Variants in TACC1 observed in about 807,000 individuals in gnomAD.
TACC1 encodes the protein transforming acidic coiled-coil containing protein 1.
A neutral mutation model predicts 84.4 loss-of-function variants in TACC1; 48 were observed. The ratio of observed to expected loss-of-function variants is 0.57; its 90% CI spans 0.45 to 0.72. TACC1 has a LOEUF of 0.72. Among genes scored for constraint, TACC1 ranks in the 30% least tolerant of loss-of-function variants. The pLI, the probability that TACC1 is intolerant of heterozygous loss-of-function variation, is 0.00. For synonymous variants in TACC1, 372 were observed against 376.3 expected, an observed-to-expected ratio of 0.99 and a Z score of 0.13; for missense variants, 920 against 973.0, an observed-to-expected ratio of 0.95 and a Z score of 0.72.
At chr8:38,732,994 C>T (rs962661828) in intron 1 of TACC1, among the ~76,000 whole-genome samples, 1 of 152,156 alleles carries the variant, frequency 6.6e-6, no homozygotes, top group African/African-American at 2.4e-5. Flanking sequence ...TTTTGGAGAG[C>T]AGAGTTTGGA....
intron 3 of TACC1, chr8:38,757,432 A>G (rs1810310797): frequency 2.5e-6 from 3 of 1,180,932 alleles, no homozygotes; most frequent in Non-Finnish European, 3.2e-6. Context: ...GCCCTCTCCA[A>G]GGGCCGCCTT....
chr8:38,792,689 T>G (rs1446515969), intron 2 of TACC1, among the ~76,000 whole-genome samples: 4 of 152,144 alleles, frequency 2.6e-5, no homozygotes, highest in Admixed American at 6.5e-5. Flanking sequence ...ATGGTCTCGA[T>G]CTCCTGACCT....
intron 2 of TACC1, among the ~76,000 whole-genome samples, chr8:38,805,260 T>A (rs906277230): frequency 1.4e-4 from 22 of 152,294 alleles, no homozygotes; most frequent in African/African-American, 4.6e-4. Flanking sequence ...TACTTCTAAG[T>A]CAATAATAAA....
chr8:38,772,268 A>C (rs1457938330), intron 3 of TACC1, among the ~76,000 whole-genome samples: 1 of 152,248 alleles, frequency 6.6e-6, no homozygotes, highest in Non-Finnish European at 1.5e-5. Flanking sequence ...AATGTGAATG[A>C]GTACAGCCTT....
At chr8:38,745,645 G>A (rs1051595159) in intron 3 of TACC1, among the ~76,000 whole-genome samples, 3 of 152,190 alleles carry the variant, frequency 2.0e-5, no homozygotes, top group Non-Finnish European at 4.4e-5. Flanking sequence ...CTGGGTTCAA[G>A]GAATTCTCCT....
intron 6 of TACC1, among the ~76,000 whole-genome samples, chr8:38,832,395 A>C (rs767631849): frequency 1.3e-5 from 2 of 152,258 alleles, no homozygotes; most frequent in Non-Finnish European, 2.9e-5. Context: ...GGTGAGGAAC[A>C]TATCATATGC....
At chr8:38,734,582 C>T (rs1408229085) in intron 1 of TACC1, among the ~76,000 whole-genome samples, 1 of 152,206 alleles carries the variant, frequency 6.6e-6, no homozygotes, top group African/African-American at 2.4e-5. Context: ...GAACAAAATG[C>T]CCCAAGGTAG....
Position 38,844,345 on chromosome 8 carries a change from T to C in TACC1, c.2228+950T>C, listed in dbSNP as rs918446206. On this transcript the variant is annotated intron_variant, in intron 11 of 12. Coordinates refer to ENST00000317827, the MANE Select transcript of TACC1 (RefSeq NM_006283.3). Reference sequence around the variant, plus strand: ...ACGCCACCACACCCGGCTAATTTTTTGTATTTTTAGTAGAGACAGGGTTTC... The same window carrying C: ...ACGCCACCACACCCGGCTAATTTTTCGTATTTTTAGTAGAGACAGGGTTTC... Among the ~76,000 whole-genome samples, 155 of 152,092 alleles carry C rather than the reference T, an allele frequency of 1.0e-3. 1 individual carries two copies. Among genetic ancestry groups the C allele is most frequent in the Non-Finnish European group, 1.7e-3 (113 of 67,976 alleles).
At chr8:38,834,290 C>G (rs531401300) in intron 6 of TACC1, among the ~76,000 whole-genome samples, 51 of 152,340 alleles carry the variant, frequency 3.3e-4, no homozygotes, top group African/African-American at 1.2e-3. Context: ...GACATCGGCT[C>G]CTTGCCACGT....
At chr8:38,791,106 G>A (rs189233111) in intron 2 of TACC1, among the ~76,000 whole-genome samples, 7 of 151,878 alleles carry the variant, frequency 4.6e-5, no homozygotes, top group Non-Finnish European at 1.0e-4. Context: ...CAGCTTGGGC[G>A]GCCCTTCCTC....
chr8:38,770,384 C>T lies in TACC1; in HGVS notation c.27-18320C>T, dbSNP rs57234463. On this transcript the variant is annotated intron_variant, in intron 3 of 14. Transcript: ENST00000518415. The stretch of plus-strand genomic sequence containing the variant: ...AGCGTGGATTTCCGTCCCGGCGGCA[C>T]CCTCGGGTTTTCCCTCCCCTGCCCC... Among the ~76,000 whole-genome samples the T allele has an allele frequency of 4.1e-3, 617 of 152,228 alleles. 2 individuals carry two copies. The highest frequency in any genetic ancestry group is 0.014 in the African/African-American group (593 of 41,502).
At chr8:38,781,537 T>C (rs1815984790) in intron 3 of TACC1, among the ~76,000 whole-genome samples, 1 of 152,066 alleles carries the variant, frequency 6.6e-6, no homozygotes, top group Non-Finnish European at 1.5e-5. Context: ...GCGTGCCACA[T>C]GCCCAGCTAA....
rs1554515667 is a variant in TACC1, at chr8:38,798,635, G to GTGTT, written c.277+9819_277+9820insTTGT. On this transcript the variant is annotated intron_variant, in intron 2 of 12. Coordinates refer to ENST00000317827, the MANE Select transcript of TACC1 (RefSeq NM_006283.3). ...TGTGTGTGTGTGTGTGTGTGTGTGT[G>GTGTT]TGTGTATGTGTATTTTTCTGCTTTG... Among the ~76,000 whole-genome samples, 3 of 151,688 alleles carry GTGTT rather than the reference G, an allele frequency of 2.0e-5. No homozygotes were observed. In the East Asian group the frequency reaches 5.8e-4, roughly 29 times the overall value.
At position 38,847,941 on chromosome 8, in the gene TACC1, CATTT is replaced by C; in HGVS notation, c.2350-13_2350-10del. 1.2e-6 allele frequency: 2 copies of C among 1,612,436 alleles called. No homozygotes were observed. Among genetic ancestry groups the C allele is most frequent in the Non-Finnish European group, 1.7e-6 (2 of 1,178,740 alleles). On this transcript the variant is annotated splice_polypyrimidine_tract_variant and intron_variant, in intron 12 of 12. Coordinates refer to ENST00000317827, the MANE Select transcript of TACC1 (RefSeq NM_006283.3). ...TACAAAGTGGCCTGCATAATTATGT[CATTT>C]GTCTTTCAGAACCAAGAAATTGAAG... is the stretch of plus-strand genomic sequence containing the variant.
intron 2 of TACC1, chr8:38,805,710 G>C (rs1166464363): frequency 1.3e-5 from 2 of 152,220 alleles, no homozygotes; most frequent in Non-Finnish European, 2.9e-5. Context: ...GATCTGAGAA[G>C]ATAACTCTGT....
chr8:38,819,568 A>G lies in TACC1; in HGVS notation c.324A>G (p.Lys108=). 3 of 1,613,284 alleles carry G rather than the reference A, an allele frequency of 1.9e-6. No homozygotes were observed. The highest frequency in any genetic ancestry group is 2.5e-6 in the Non-Finnish European group (3 of 1,179,264). The change falls in exon 3 of 13, where the codon AAA becomes AAG. Residue 108 remains lysine (K), a synonymous_variant. Transcript: ENST00000317827. ...AGCTTGTAGCAGAAGTGGTTGAAAA[A>G]TGTTCATCTAAGACTTGTTCTAAAC... ...DEQLVAEVVE[K]CSSKTCSKPS...
chr8:38,846,270 C>A (rs1262513145), intron 11 of TACC1: 1 of 114,402 alleles, frequency 8.7e-6, no homozygotes, highest in Non-Finnish European at 1.7e-5. Flanking sequence ...GGTGACAGAG[C>A]GAGACTCCAT....
At chr8:38,755,272 G>A (rs777991618) in intron 3 of TACC1, among the ~76,000 whole-genome samples, 1 of 151,922 alleles carries the variant, frequency 6.6e-6, no homozygotes, top group East Asian at 1.9e-4. Context: ...TTCCCCTACA[G>A]CTTCAAGAAT....
chr8:38,730,378 T>C (rs1319574698), intron 1 of TACC1, among the ~76,000 whole-genome samples: 1 of 152,252 alleles, frequency 6.6e-6, no homozygotes, highest in East Asian at 1.9e-4. Context: ...AAGTCTTTTC[T>C]GAATTTGTCC....
Sources: gnomAD v4.1 joint callset for allele counts (sites outside exome capture counted in the v4.1 genomes callset) on GRCh38, gnomAD v4.1.1 for gene constraint, MANE v1.5 for transcripts, NCBI Gene and HGNC (gene_info 2026-07-23, HGNC 2026-07-21) for gene names.